ZFAT: variants seen among roughly 807,000 people sequenced by gnomAD.
ZFAT encodes zinc finger and AT-hook domain containing.
Under a neutral mutation model 117.7 loss-of-function variants are expected in ZFAT, and 64 were observed. The ratio of observed to expected loss-of-function variants is 0.54; its 90% CI spans 0.44 to 0.67. The LOEUF (loss-of-function observed/expected upper bound fraction) is 0.67. Ranked by LOEUF, ZFAT falls within the 30% of genes least tolerant of loss-of-function variation. The pLI is 0.00. For synonymous variants in ZFAT, 679 were observed against 615.0 expected (o/e 1.10, Z -1.54); for missense variants, 1,433 against 1,584.5 (o/e 0.90, Z 1.62).
chr8:134,530,621 T>A (rs1399132361), intron 12 of ZFAT, among the ~76,000 whole-genome samples: 2 of 152,178 alleles, frequency 1.3e-5, no homozygotes, highest in African/African-American at 4.8e-5. Flanking sequence ...AATGGGGGGA[T>A]AAACATATAT....
chr8:134,681,463 C>T (rs879289963), intron 1 of ZFAT, among the ~76,000 whole-genome samples: 5 of 152,340 alleles, frequency 3.3e-5, no homozygotes, highest in Non-Finnish European at 7.3e-5. Flanking sequence ...ACACAGTAGG[C>T]ACTCCATAAG....
At chr8:134,658,704 A>C (rs1831774173) in intron 1 of ZFAT, among the ~76,000 whole-genome samples, 1 of 152,250 alleles carries the variant, frequency 6.6e-6, no homozygotes, top group Non-Finnish European at 1.5e-5. Flanking sequence ...ATTCAATAAC[A>C]ATTAAAAGCC....
intron 2 of ZFAT, among the ~76,000 whole-genome samples, chr8:134,646,825 C>T (rs1297088246): frequency 1.3e-5 from 2 of 152,032 alleles, no homozygotes; most frequent in Admixed American, 1.3e-4. Context: ...CCTAGAATCA[C>T]ACAATCTACC....
At chr8:134,783,173 A>G in the ZFAT span, among the ~76,000 whole-genome samples, 1 of 152,158 alleles carries the variant, frequency 6.6e-6, no homozygotes, top group African/African-American at 2.4e-5. Context: ...AGCTGTTTTC[A>G]ATGTATGAAA....
At chr8:134,712,559 C>T (rs976383709) in intron 1 of ZFAT, among the ~76,000 whole-genome samples, 2 of 152,124 alleles carry the variant, frequency 1.3e-5, no homozygotes, top group African/African-American at 4.8e-5. Context: ...CTGGCCCGCG[C>T]CCCAACGCCA....
chr8:134,701,905 T>G (rs570750791), intron 1 of ZFAT, among the ~76,000 whole-genome samples: 1 of 152,248 alleles, frequency 6.6e-6, no homozygotes, highest in African/African-American at 2.4e-5. Flanking sequence ...AATGTGGCAC[T>G]GCTGAGAGGT....
chr8:134,810,077 A>G, the ZFAT span, among the ~76,000 whole-genome samples: 2 of 152,170 alleles, frequency 1.3e-5, no homozygotes, highest in African/African-American at 2.4e-5. Flanking sequence ...ACTAAACACC[A>G]TGAACTACAC....
chr8:134,631,591 A>C (rs1829894066), intron 3 of ZFAT, among the ~76,000 whole-genome samples: 1 of 152,374 alleles, frequency 6.6e-6, no homozygotes, highest in Admixed American at 6.5e-5. Flanking sequence ...CCATTTACAC[A>C]GTGTTCCCAA....
Position 134,526,398 on chromosome 8 carries a change from A to G in ZFAT, c.3116-5397T>C, listed in dbSNP as rs111460721. Among the ~76,000 whole-genome samples, 1,233 of 152,370 alleles carry G rather than the reference A, an allele frequency of 8.1e-3. 17 individuals are homozygous for G. Among genetic ancestry groups the G allele is most frequent in the African/African-American group, 0.028 (1,179 of 41,574 alleles). On this transcript the variant is annotated intron_variant, in intron 12 of 15. Coordinates refer to ENST00000377838, the MANE Select transcript of ZFAT (RefSeq NM_020863.4). ...ATTAATTTCTATTTGGATTCATTAAATTCTTAGGCAATGCACAGTAAAGGT... is the reference window on the plus strand; with the variant it reads ...ATTAATTTCTATTTGGATTCATTAAGTTCTTAGGCAATGCACAGTAAAGGT...
At chr8:134,738,862 A>G in the ZFAT span, among the ~76,000 whole-genome samples, 7 of 152,200 alleles carry the variant, frequency 4.6e-5, no homozygotes, top group African/African-American at 1.4e-4. Flanking sequence ...TTGGCTGTGG[A>G]GCAGAGAACA....
the ZFAT span, among the ~76,000 whole-genome samples, chr8:134,804,337 T>G: frequency 6.6e-6 from 1 of 152,200 alleles, no homozygotes. Context: ...CAGTTTTTCT[T>G]AGAGGAGAGT....
intron 1 of ZFAT, among the ~76,000 whole-genome samples, chr8:134,658,253 C>T (rs1197149993): frequency 1.4e-5 from 2 of 146,660 alleles, no homozygotes; most frequent in South Asian, 2.1e-4. Context: ...AGGAGGATGG[C>T]GTGAACCCGG....
intron 1 of ZFAT, among the ~76,000 whole-genome samples, chr8:134,682,547 G>A (rs1198515698): frequency 6.6e-6 from 1 of 152,126 alleles, no homozygotes; most frequent in African/African-American, 2.4e-5. Context: ...CACAGCTACT[G>A]GGGAGGCTGA....
At chr8:134,668,612 T>C (rs1832378329) in intron 1 of ZFAT, among the ~76,000 whole-genome samples, 1 of 152,124 alleles carries the variant, frequency 6.6e-6, no homozygotes, top group Non-Finnish European at 1.5e-5. Context: ...TACGTCACCA[T>C]CATCAAAGAC....
At chr8:134,765,722 G>T in the ZFAT span, 4 of 150,538 alleles carry the variant, frequency 2.7e-5, no homozygotes, top group South Asian at 2.1e-4. Flanking sequence ...AAAAAAAAAA[G>T]TCTATGGCTG....
intron 15 of ZFAT, among the ~76,000 whole-genome samples, chr8:134,491,631 C>A (rs901778259): frequency 6.6e-5 from 10 of 152,172 alleles, no homozygotes; most frequent in Non-Finnish European, 1.3e-4. Flanking sequence ...TGGCTTGTGG[C>A]CTGCTTCCAT....
chr8:134,781,862 AT>A, the ZFAT span, among the ~76,000 whole-genome samples: 138 of 152,204 alleles, frequency 9.1e-4, 1 homozygote, highest in South Asian at 2.9e-3. Context: ...CTACCTTGCA[AT>A]TTTCTTATTA....
At chr8:134,480,559 C>T (rs1038531394) in intron 15 of ZFAT, among the ~76,000 whole-genome samples, 11 of 152,216 alleles carry the variant, frequency 7.2e-5, no homozygotes, top group African/African-American at 2.7e-4. Flanking sequence ...GTTGCAGGCA[C>T]AGGGCACAGT....
rs113706606 is a variant in ZFAT, at chr8:134,695,105, G to C, written c.19+17740C>G. On this transcript the variant is annotated intron_variant, in intron 1 of 15. Coordinates refer to ENST00000377838, the MANE Select transcript of ZFAT (RefSeq NM_020863.4). Reference sequence around the variant, plus strand: ...CCAGGCAGGGAGAACCCAGAAGAAGGCAGCGGCCAGAGGAGGACGAACTAA... The same window carrying C: ...CCAGGCAGGGAGAACCCAGAAGAAGCCAGCGGCCAGAGGAGGACGAACTAA... Among the ~76,000 whole-genome samples, 231 of 152,302 alleles carry C rather than the reference G, an allele frequency of 1.5e-3. 1 individual carries two copies. Among genetic ancestry groups the C allele is most frequent in the African/African-American group, 5.4e-3 (223 of 41,572 alleles).
Sources: gnomAD v4.1 joint callset for allele counts (sites outside exome capture counted in the v4.1 genomes callset) on GRCh38, gnomAD v4.1.1 for gene constraint, MANE v1.5 for transcripts, NCBI Gene and HGNC (gene_info 2026-07-23, HGNC 2026-07-21) for gene names.